Variants in CALN1 observed in about 807,000 individuals in gnomAD.
The protein encoded by CALN1 is calcium-binding protein 8.
CALN1 carries 17 observed loss-of-function variants against 30.6 expected under a neutral mutation model. The observed-to-expected ratio is 0.56, with a 90% CI of 0.38 to 0.83. The LOEUF is 0.83. CALN1 is among the 40% of genes least tolerant of loss of function. The probability of loss-of-function intolerance (pLI) is 0.00; values close to 1 mark genes in which losing one functional copy is unlikely to be tolerated. For missense variants in CALN1, 291 were observed against 354.9 expected (o/e 0.82, Z 1.45); for synonymous variants, 156 against 131.4 (o/e 1.19, Z -1.28).
At chr7:72,171,052 G>A (rs1384806169) in intron 3 of CALN1, among the ~76,000 whole-genome samples, 3 of 152,136 alleles carry the variant, frequency 2.0e-5, no homozygotes, top group African/African-American at 4.8e-5. Context: ...AACCACTCGG[G>A]GGGCTGAGGT....
In CALN1 at chr7:72,390,285, G is replaced by A. The variant is rs369858179; in HGVS notation, c.119+12966C>T. 7.9e-5 allele frequency among the ~76,000 whole-genome samples: 12 copies of A among 151,964 alleles called. No individual in the cohort carries two copies. In the East Asian group the frequency reaches 2.1e-3, roughly 27 times the overall value. ...CTCTACTAAAAATACAAAAAAATTAGCGGGGCATGGTGGCAGGCACCTGTA... is the reference window on the plus strand; with the variant it reads ...CTCTACTAAAAATACAAAAAAATTAACGGGGCATGGTGGCAGGCACCTGTA... On this transcript the variant is annotated intron_variant, in intron 2 of 6. Transcript: ENST00000395275.
intron 3 of CALN1, among the ~76,000 whole-genome samples, chr7:72,167,054 A>G (rs527335558): frequency 6.6e-6 from 1 of 152,350 alleles, no homozygotes; most frequent in East Asian, 1.9e-4. Context: ...AAAGAAAAAG[A>G]AAAAGAAAAT....
intron 5 of CALN1, among the ~76,000 whole-genome samples, chr7:71,939,377 G>A (rs1356203483): frequency 1.4e-5 from 2 of 144,694 alleles, no homozygotes; most frequent in African/African-American, 5.2e-5. Context: ...GGGCAACATG[G>A]TGAAACCCCA....
intron 6 of CALN1, among the ~76,000 whole-genome samples, chr7:71,793,739 G>A (rs111415541): frequency 3.3e-5 from 5 of 152,184 alleles, no homozygotes; most frequent in South Asian, 4.2e-4. Flanking sequence ...AACTGAGCAC[G>A]GTGTTGTGTG....
intron 5 of CALN1, among the ~76,000 whole-genome samples, chr7:71,937,995 C>G (rs1340396909): frequency 6.6e-6 from 1 of 152,166 alleles, no homozygotes; most frequent in Non-Finnish European, 1.5e-5. Context: ...AGGGAGGTCC[C>G]TTGGGAGGGT....
chr7:72,372,034 G>A (rs1300005096), intron 2 of CALN1, among the ~76,000 whole-genome samples: 2 of 152,126 alleles, frequency 1.3e-5, no homozygotes, highest in East Asian at 1.9e-4. Context: ...ATTCAATATC[G>A]CCTGAAAGTT....
At chr7:72,226,132 A>G (rs982089123) in intron 3 of CALN1, among the ~76,000 whole-genome samples, 1 of 150,080 alleles carries the variant, frequency 6.7e-6, no homozygotes, top group Non-Finnish European at 1.5e-5. Flanking sequence ...ATGGTGGTGC[A>G]CGCTAAGAAG....
intron 3 of CALN1, among the ~76,000 whole-genome samples, chr7:72,162,011 T>A (rs1019900345): frequency 1.0e-4 from 15 of 149,608 alleles, no homozygotes; most frequent in African/African-American, 1.2e-4. Flanking sequence ...ATATATATAT[T>A]ATATATATAT....
At chr7:71,947,271 G>A (rs995496054) in intron 5 of CALN1, among the ~76,000 whole-genome samples, 2 of 152,064 alleles carry the variant, frequency 1.3e-5, no homozygotes, top group African/African-American at 4.8e-5. Flanking sequence ...TCGGCCTCCC[G>A]AACTGCCGAG....
At chr7:72,150,865 GTGATGATATGATGATGA>G (rs1279319897) in intron 3 of CALN1, among the ~76,000 whole-genome samples, 1 of 127,736 alleles carries the variant, frequency 7.8e-6, no homozygotes, top group Non-Finnish European at 1.8e-5. Flanking sequence ...ACTATTTGCT[GTGATGATATGATGATGA>G]TGATGATGAT....
intron 5 of CALN1, among the ~76,000 whole-genome samples, chr7:71,846,707 A>G (rs935375436): frequency 9.3e-5 from 14 of 150,358 alleles, no homozygotes; most frequent in Admixed American, 6.0e-4. Flanking sequence ...TGGAGGCTAT[A>G]TATATATATA....
intron 5 of CALN1, among the ~76,000 whole-genome samples, chr7:71,921,146 T>C (rs1005326719): frequency 3.3e-5 from 5 of 151,678 alleles, no homozygotes; most frequent in African/African-American, 7.3e-5. Flanking sequence ...TAAATGGGAG[T>C]TGAACAATGA....
At chr7:71,909,088 C>T (rs1339499830) in intron 5 of CALN1, among the ~76,000 whole-genome samples, 2 of 152,122 alleles carry the variant, frequency 1.3e-5, no homozygotes, top group Admixed American at 1.3e-4. Context: ...GCAGTCATAG[C>T]TGACTGCAGC....
chr7:72,186,484 C>T (rs376655543), intron 3 of CALN1, among the ~76,000 whole-genome samples: 12 of 152,098 alleles, frequency 7.9e-5, no homozygotes, highest in African/African-American at 2.4e-4. Flanking sequence ...CTGACGACAT[C>T]GCATGATGCT....
chr7:72,432,815 T>A (rs1184372041), intron 1 of CALN1, among the ~76,000 whole-genome samples: 8 of 152,132 alleles, frequency 5.3e-5, no homozygotes, highest in Non-Finnish European at 8.8e-5. Flanking sequence ...AAGCACCAGC[T>A]CTCACATCAG....
At chr7:72,177,485 C>T (rs1026691172) in intron 3 of CALN1, among the ~76,000 whole-genome samples, 5 of 151,922 alleles carry the variant, frequency 3.3e-5, no homozygotes, top group Admixed American at 6.6e-5. Flanking sequence ...GACATTTGGG[C>T]GGGGCAATGT....
chr7:72,349,282 TTG>T (rs3032183), intron 2 of CALN1, among the ~76,000 whole-genome samples: 12,557 of 147,688 alleles, frequency 0.085, 571 homozygotes, highest in Middle Eastern at 0.17. Context: ...ACACGCGTGC[TTG>T]TGTGTGTGTG....
At chr7:72,428,597 G>T (rs1272721852) in intron 1 of CALN1, among the ~76,000 whole-genome samples, 1 of 152,084 alleles carries the variant, frequency 6.6e-6, no homozygotes, top group Non-Finnish European at 1.5e-5. Context: ...TCACCATGTT[G>T]CCCAGGCTGG....
intron 2 of CALN1, among the ~76,000 whole-genome samples, chr7:72,323,652 A>T (rs1801054921): frequency 2.1e-5 from 3 of 143,602 alleles, no homozygotes; most frequent in African/African-American, 8.1e-5. Flanking sequence ...ACAGAGCGAG[A>T]CTCCATCTCA....
Sources: gnomAD v4.1 joint callset for allele counts (sites outside exome capture counted in the v4.1 genomes callset) on GRCh38, gnomAD v4.1.1 for gene constraint, MANE v1.5 for transcripts, NCBI Gene and HGNC (gene_info 2026-07-23, HGNC 2026-07-21) for gene names.